Variants in SYNE1 observed in about 807,000 individuals in gnomAD.
SYNE1 encodes nesprin-1.
Under a neutral mutation model 1,111.0 loss-of-function variants are expected in SYNE1, and 616 were observed. The ratio of observed to expected loss-of-function variants is 0.55; its 90% confidence interval spans 0.52 to 0.59. The LOEUF (loss-of-function observed/expected upper bound fraction) is 0.59, where lower values mean the gene tolerates loss of function less well. Among genes scored for constraint, SYNE1 ranks in the 20% least tolerant of loss-of-function variants. The pLI, the probability that SYNE1 is intolerant of heterozygous loss-of-function variation, is 0.00. For synonymous variants in SYNE1, 3,855 were observed against 3,825.8 expected (o/e 1.01, Z -0.28); for missense variants, 10,006 against 10,417.0 (o/e 0.96, Z 1.72).
Position 152,236,263 on chromosome 6 carries a change from T to C in SYNE1, c.20240A>G (p.Tyr6747Cys), listed in dbSNP as rs1295644886. 18 of 1,614,106 alleles carry C rather than the reference T, an allele frequency of 1.1e-5. No individual in the cohort carries two copies. The highest frequency in any genetic ancestry group is 1.5e-5 in the Non-Finnish European group (18 of 1,179,980). The change falls in exon 110 of 146, where the codon TAT becomes TGT. Residue 6747 changes from tyrosine to cysteine, a missense_variant. Around this residue, in one of 7 missense-constraint regions of SYNE1, gnomAD observed 2,182 missense variants for 2,287.8 expected, o/e 0.95. Coordinates refer to ENST00000367255, the MANE Select transcript of SYNE1 (RefSeq NM_182961.4). ...SSLNEYQPKL[Y>C]QVLDDGKRLL... ...TCGTTTCCCATCATCTAATACTTGA[T>C]ATAATTTGGGCTGGTATTCATTAAG...
rs181275200 is a variant in SYNE1, at chr6:152,200,581, A to G, written c.23145+1243T>C. ...CTGGTTAATTTTTAAATTTCTTTAGATATGGAGTCTTGCCATATTGCCCAG... is the reference window on the plus strand; with the variant it reads ...CTGGTTAATTTTTAAATTTCTTTAGGTATGGAGTCTTGCCATATTGCCCAG... On this transcript the variant is annotated intron_variant, in intron 127 of 145. Coordinates refer to ENST00000367255, the MANE Select transcript of SYNE1 (RefSeq NM_182961.4). Among the ~76,000 whole-genome samples, 5 of 152,248 alleles carry G rather than the reference A, an allele frequency of 3.3e-5. No homozygotes were observed. The East Asian group carries it at 9.7e-4, about 29-fold the overall frequency.
chr6:152,331,239 G>C lies in SYNE1; in HGVS notation c.13446C>G (p.Ile4482Met). The change falls in exon 78 of 146, where the codon ATC becomes ATG. Residue 4482 changes from isoleucine (I) to methionine (M), a missense_variant. Transcript: ENST00000367255. ...TGCTCACATCATCTGGTAACAGACA[G>C]ATGTGTTCACGGAACATTATCTTTC... ...HERKIMFREH[I>M]CLLPDDVSKQ... is the part of the protein sequence containing the mutation. The C allele has an allele frequency of 6.2e-7, 1 of 1,614,086 alleles. No homozygotes were observed.
rs201247273 is a variant in SYNE1, at chr6:152,505,256, A to G, written c.723T>C (p.Asp241=). Residue 241 remains aspartate (D), a synonymous_variant, in exon 9 of 146, where the codon GAT becomes GAC. Coordinates refer to ENST00000367255, the MANE Select transcript of SYNE1 (RefSeq NM_182961.4). ...KGRSNRENLE[D]AFTIAETELG... Reference sequence around the variant, plus strand: ...GTTCTGTTTCGGCGATAGTGAAAGCATCCTCCAAATTTTCTCGGTTGGATC... The same window carrying G: ...GTTCTGTTTCGGCGATAGTGAAAGCGTCCTCCAAATTTTCTCGGTTGGATC... 4 of 1,613,800 alleles carry G rather than the reference A, an allele frequency of 2.5e-6. No individual in the cohort carries two copies. Among genetic ancestry groups the G allele is most frequent in the Admixed American group, 3.3e-5 (2 of 59,958 alleles).
chr6:152,464,755 C>CACAT (rs1442138106), intron 18 of SYNE1: 2 of 189,996 alleles, frequency 1.1e-5, no homozygotes, highest in Non-Finnish European at 2.2e-5. Flanking sequence ...CAGGCACACA[C>CACAT]ACATACACAC....
At chr6:152,123,810 T>A (rs968830210) in intron 145 of SYNE1, among the ~76,000 whole-genome samples, 7 of 152,202 alleles carry the variant, frequency 4.6e-5, no homozygotes, top group African/African-American at 1.7e-4. Context: ...TGAAATAATA[T>A]GAGCGTGTGA....
chr6:152,635,364 G>A (rs1240409550), intron 2 of SYNE1, among the ~76,000 whole-genome samples: 1 of 152,156 alleles, frequency 6.6e-6, no homozygotes, highest in Non-Finnish European at 1.5e-5. Context: ...AACATATTAA[G>A]TTAGTATAGA....
At chr6:152,312,304 G>T (rs942378430) in intron 87 of SYNE1, among the ~76,000 whole-genome samples, 1 of 149,464 alleles carries the variant, frequency 6.7e-6, no homozygotes, top group Non-Finnish European at 1.5e-5. Context: ...GCATCTCCTG[G>T]GTTCAAGCGA....
rs557123671 is a variant in SYNE1, at chr6:152,212,573, T to C, written c.22495-985A>G. ...TCCACCTTTTGGCTATTATGACTAA[T>C]GCTCCTATAAATAATGTACTTACAC... On this transcript the variant is annotated intron_variant, in intron 123 of 145. Transcript: ENST00000367255. Among the ~76,000 whole-genome samples, 3 of 152,334 alleles carry C rather than the reference T, an allele frequency of 2.0e-5. 1 individual carries two copies. In the South Asian group the frequency reaches 6.2e-4, roughly 32 times the overall value.
chr6:152,566,092 C>T (rs1222589195), intron 3 of SYNE1, among the ~76,000 whole-genome samples: 5 of 152,092 alleles, frequency 3.3e-5, no homozygotes, highest in African/African-American at 1.2e-4. Context: ...CACAGCACTA[C>T]AGCTGTGTAT....
chr6:152,127,815 C>T (rs1310356774), intron 145 of SYNE1: 1 of 152,144 alleles, frequency 6.6e-6, no homozygotes, highest in East Asian at 1.9e-4. Flanking sequence ...TAGTGAGGCC[C>T]TAGTGTACAT....
chr6:152,602,154 T>C (rs2099597699), intron 3 of SYNE1, among the ~76,000 whole-genome samples: 1 of 152,138 alleles, frequency 6.6e-6, no homozygotes, highest in Non-Finnish European at 1.5e-5. Flanking sequence ...CTCCACCCAC[T>C]GCCACCACCA....
intron 63 of SYNE1, among the ~76,000 whole-genome samples, chr6:152,362,681 G>A (rs1416840917): frequency 1.3e-5 from 2 of 152,100 alleles, no homozygotes; most frequent in Non-Finnish European, 2.9e-5. Flanking sequence ...AGGGAGAGAA[G>A]CAACACTTAA....
chr6:152,444,945 A>C (rs1028863980), intron 29 of SYNE1, among the ~76,000 whole-genome samples: 4 of 152,138 alleles, frequency 2.6e-5, no homozygotes, highest in Non-Finnish European at 5.9e-5. Context: ...CACAAAGTCT[A>C]CCTCAACCAC....
chr6:152,324,980 T>C, intron 81 of SYNE1, 104 bp downstream of exon 81: 3 of 1,334,078 alleles, frequency 2.2e-6, no homozygotes, highest in Non-Finnish European at 2.1e-6. Flanking sequence ...AAAGCCTTTA[T>C]TACTTTCATA....
At chr6:152,369,158 G>T in intron 60 of SYNE1, 31 bp from the exon 61 acceptor site, 1 of 1,609,732 alleles carries the variant, frequency 6.2e-7, no homozygotes, top group South Asian at 1.1e-5. Flanking sequence ...ACTATTCAGA[G>T]GCTGGGGAAA....
Position 152,430,503 on chromosome 6 carries a change from C to G in SYNE1, c.4668G>C (p.Lys1556Asn), listed in dbSNP as rs774194598. Reference protein sequence around the residue: ...TILGHLSQQQKFEENLRKIQQ... With the variant: ...TILGHLSQQQNFEENLRKIQQ... ...TTACCTTTCTAAGGTTCTCTTCAAA[C>G]TTTTGCTGCTGAGATAAATGTCCCA... Residue 1556 changes from lysine (K) to asparagine (N), a missense_variant, in exon 35 of 146, where the codon AAG (lysine) becomes AAC (asparagine). Coordinates refer to ENST00000367255, the MANE Select transcript of SYNE1 (RefSeq NM_182961.4). 4.3e-6 allele frequency: 7 copies of G among 1,614,036 alleles called. No individual in the cohort carries two copies. In the East Asian group the frequency reaches 1.3e-4, roughly 31 times the overall value.
At chr6:152,402,323 C>T (rs1250863480) in intron 46 of SYNE1, 6 of 152,306 alleles carry the variant, frequency 3.9e-5, no homozygotes, top group Non-Finnish European at 7.3e-5. Flanking sequence ...CATTCCTCAG[C>T]CTGGAGGCCT....
Position 152,413,378 on chromosome 6 carries a change from A to C in SYNE1, c.6204T>G (p.Asp2068Glu), listed in dbSNP as rs142567597. Residue 2068 changes from aspartate (D) to glutamate (E), a missense_variant, in exon 42 of 146, where the codon GAT becomes GAG. Physicochemically the swap from Asp to Glu is conservative, Grantham distance 45 (BLOSUM62 2). Around this residue, in one of 7 missense-constraint regions of SYNE1, gnomAD observed 4,955 missense variants for 5,017.2 expected, o/e 0.99. Transcript: ENST00000367255. ...REINRLEVTW[D>E]DTKRLIHENQ... Reference sequence around the variant, plus strand: ...TTTCATGAATTAGTCTTTTGGTATCATCCCAGGTGACCTCTAAGCGGTTTA... The same window carrying C: ...TTTCATGAATTAGTCTTTTGGTATCCTCCCAGGTGACCTCTAAGCGGTTTA... 5 of 1,614,166 alleles carry C rather than the reference A, an allele frequency of 3.1e-6. No homozygotes were observed. The East Asian group carries it at 1.1e-4, about 36-fold the overall frequency.
In SYNE1 at chr6:152,453,332, A is replaced by T. The variant is rs951856980; in HGVS notation, c.3027+254T>A. 5 of 560,844 alleles carry T rather than the reference A, an allele frequency of 8.9e-6. No individual in the cohort carries two copies. In the African/African-American group the frequency reaches 1.6e-4, roughly 18 times the overall value. 34.7% of individuals were successfully genotyped at this position (560,844 alleles called of 1,614,324 possible). On this transcript the variant is annotated intron_variant, in intron 25 of 145. Transcript: ENST00000367255. ...TTAAATGTTCTTGCACCCTGGATTA[A>T]AAAAAAATCAGGAAACCAAAAAGAA...
Sources: gnomAD v4.1 joint callset for allele counts (sites outside exome capture counted in the v4.1 genomes callset) on GRCh38, gnomAD v4.1.1 for gene constraint, gnomAD v4.1.1 regional missense constraint, MANE v1.5 for transcripts, NCBI Gene and HGNC (gene_info 2026-07-23, HGNC 2026-07-21) for gene names.